Variants in SEL1L3 observed in about 807,000 individuals in gnomAD.
The protein encoded by SEL1L3 is protein sel-1 homolog 3.
SEL1L3 carries 76 observed loss-of-function variants against 142.8 expected under a neutral mutation model. The ratio of observed to expected loss-of-function variants is 0.53; its 90% CI spans 0.44 to 0.64. The LOEUF is 0.64. Ranked by LOEUF, SEL1L3 falls within the 30% of genes least tolerant of loss-of-function variation. The pLI, the probability that SEL1L3 is intolerant of heterozygous loss-of-function variation, is 0.00. For synonymous variants in SEL1L3, 504 were observed against 519.6 expected (o/e 0.97, Z 0.41); for missense variants, 1,262 against 1,381.7 (o/e 0.91, Z 1.37).
At chr4:25,820,979 C>T (rs754023465) in intron 7 of SEL1L3, among the ~76,000 whole-genome samples, 22 of 152,066 alleles carry the variant, frequency 1.4e-4, no homozygotes, top group Non-Finnish European at 2.9e-4. Context: ...CCGCCTGCCT[C>T]GGCCTCCCAA....
chr4:25,769,470 C>G (rs1188521113), intron 17 of SEL1L3, among the ~76,000 whole-genome samples: 1 of 152,198 alleles, frequency 6.6e-6, no homozygotes, highest in African/African-American at 2.4e-5. Context: ...AGATAACAAG[C>G]CTCCAAGTGC....
In SEL1L3 at chr4:25,835,066, A is replaced by T. The variant is rs1330555016; in HGVS notation, c.860+131T>A. On this transcript the variant is annotated intron_variant, in intron 3 of 23. Coordinates refer to ENST00000399878, the MANE Select transcript of SEL1L3 (RefSeq NM_015187.5). ...CCACCAATTCTGTCTAAGCCATGGA[A>T]ATCTCAACATTTTTGCAAAACACCT... The T allele has an allele frequency of 6.6e-6, 7 of 1,057,512 alleles. No individual in the cohort carries two copies. The East Asian group carries it at 1.7e-4, about 26-fold the overall frequency. 65.5% of individuals were successfully genotyped at this position (1,057,512 alleles called of 1,614,324 possible). A position where few individuals can be genotyped will look rare whatever the true frequency, so the allele number is the denominator to read the frequency against.
chr4:25,766,835 G>A (rs1009775276), intron 19 of SEL1L3, among the ~76,000 whole-genome samples: 1 of 152,144 alleles, frequency 6.6e-6, no homozygotes, highest in Non-Finnish European at 1.5e-5. Context: ...GCCTCTTATT[G>A]CCTGAAAGGA....
chr4:25,790,366 C>T, intron 12 of SEL1L3, 89 bp downstream of exon 12: 1 of 1,256,444 alleles, frequency 8.0e-7, no homozygotes, highest in Non-Finnish European at 1.2e-6. Context: ...TTATTTTAAG[C>T]CACTGCAGTT....
chr4:25,743,515 T>A (rs1249905786), downstream of SEL1L3, among the ~76,000 whole-genome samples: 1 of 152,138 alleles, frequency 6.6e-6, no homozygotes, highest in East Asian at 1.9e-4. Context: ...CACAGCTTGA[T>A]TTTATACATT....
chr4:25,764,423 A>T lies in SEL1L3; in HGVS notation c.2955+903T>A, dbSNP rs183567330. ...TTAGTTTGACAATGGCATTGCAGTT[A>T]TGTCAGATGTGAACATTAGGGGAAG... On this transcript the variant is annotated intron_variant, in intron 20 of 23. Transcript: ENST00000399878. 8.7e-4 allele frequency among the ~76,000 whole-genome samples: 132 copies of T among 152,380 alleles called. 4 individuals are homozygous for T. Among genetic ancestry groups the T allele is most frequent in the Admixed American group, 6.9e-3 (106 of 15,304 alleles).
At chr4:25,727,787 A>G in the SEL1L3 span, among the ~76,000 whole-genome samples, 1 of 152,176 alleles carries the variant, frequency 6.6e-6, no homozygotes, top group Non-Finnish European at 1.5e-5. Context: ...CCTGGGGTGC[A>G]TCCCAGGATG....
At chr4:25,800,117 C>T (rs1195091350) in intron 11 of SEL1L3, among the ~76,000 whole-genome samples, 2 of 152,136 alleles carry the variant, frequency 1.3e-5, no homozygotes, top group Non-Finnish European at 2.9e-5. Flanking sequence ...ATGTGAACCA[C>T]GAGTTACGCA....
At chr4:25,794,479 T>TACCA (rs1248503725) in intron 11 of SEL1L3, among the ~76,000 whole-genome samples, 10 of 152,196 alleles carry the variant, frequency 6.6e-5, no homozygotes, top group Admixed American at 6.5e-4. Context: ...CACAATGAGA[T>TACCA]ACCATCTCAT....
chr4:25,812,962 G>A (rs181392833), intron 9 of SEL1L3, among the ~76,000 whole-genome samples: 14 of 152,078 alleles, frequency 9.2e-5, no homozygotes, highest in Admixed American at 7.9e-4. Flanking sequence ...GTAGTGAGCC[G>A]AGATCTGCCA....
intron 3 of SEL1L3, among the ~76,000 whole-genome samples, chr4:25,834,435 AC>A (rs1405524133): frequency 6.6e-6 from 1 of 152,180 alleles, no homozygotes; most frequent in African/African-American, 2.4e-5. Flanking sequence ...CTCTTCATTT[AC>A]CCCAGTAACC....
At chr4:25,860,149 A>G (rs1435734839) in intron 1 of SEL1L3, among the ~76,000 whole-genome samples, 1 of 152,236 alleles carries the variant, frequency 6.6e-6, no homozygotes, top group Admixed American at 6.5e-5. Flanking sequence ...CTCCTACCTC[A>G]GAGGGCTGTT....
intron 23 of SEL1L3, among the ~76,000 whole-genome samples, chr4:25,754,547 G>C (rs1009262912): frequency 6.6e-6 from 1 of 151,706 alleles, no homozygotes; most frequent in African/African-American, 2.4e-5. Context: ...TTCTAACAGG[G>C]CTGGCAGGTA....
intron 6 of SEL1L3, among the ~76,000 whole-genome samples, 180 bp downstream of exon 6, chr4:25,829,918 A>T (rs2109277072): frequency 6.6e-6 from 1 of 151,404 alleles, no homozygotes; most frequent in Middle Eastern, 3.4e-3. Flanking sequence ...GGAAGCAGAA[A>T]GAGTTTGTGC....
chr4:25,775,490 C>CT (rs1719549229), intron 17 of SEL1L3, among the ~76,000 whole-genome samples: 1 of 152,122 alleles, frequency 6.6e-6, no homozygotes, highest in Non-Finnish European at 1.5e-5. Flanking sequence ...GGACTGAGGA[C>CT]TTTTTTTAGT....
At chr4:25,834,993 A>G (rs1715703874) in intron 3 of SEL1L3, among the ~76,000 whole-genome samples, 1 of 152,186 alleles carries the variant, frequency 6.6e-6, no homozygotes, top group Non-Finnish European at 1.5e-5. Flanking sequence ...CAAATTGAGG[A>G]TTGTTAAATG....
intron 23 of SEL1L3, among the ~76,000 whole-genome samples, chr4:25,751,436 C>T (rs1717581603): frequency 1.3e-5 from 2 of 151,998 alleles, no homozygotes; most frequent in South Asian, 2.1e-4. Flanking sequence ...AGCCAATGGA[C>T]CTAGGGGAAC....
At chr4:25,779,569 C>T (rs1454118155) in intron 15 of SEL1L3, among the ~76,000 whole-genome samples, 1 of 152,148 alleles carries the variant, frequency 6.6e-6, no homozygotes, top group Admixed American at 6.5e-5. Flanking sequence ...TGCTTAATAC[C>T]TTTCTTCAAA....
chr4:25,854,705 GTAGTTGATGGGGCT>G (rs1456694546), intron 1 of SEL1L3, among the ~76,000 whole-genome samples: 1 of 152,216 alleles, frequency 6.6e-6, no homozygotes, highest in Non-Finnish European at 1.5e-5. Flanking sequence ...TCATATGTGT[GTAGTTGATGGGGCT>G]TGATTCTGTA....
Sources: allele counts gnomAD v4.1 joint callset (sites outside exome capture counted in the v4.1 genomes callset), GRCh38; gene constraint gnomAD v4.1.1; transcripts MANE v1.5; gene names NCBI Gene and HGNC (gene_info 2026-07-23, HGNC 2026-07-21).